MEIS1: variants seen among roughly 807,000 people sequenced by gnomAD.
MEIS1 encodes the protein homeobox protein Meis1.
A neutral mutation model predicts 50.8 loss-of-function variants in MEIS1; 5 were observed. The ratio of observed to expected loss-of-function variants is 0.10; its 90% CI spans 0.05 to 0.21. The LOEUF (loss-of-function observed/expected upper bound fraction) is 0.21. Among genes scored for constraint, MEIS1 ranks in the 10% least tolerant of loss-of-function variants. MEIS1 has a pLI of 1.00. For synonymous variants in MEIS1, 176 were observed against 179.3 expected, an observed-to-expected ratio of 0.98 and a Z score of 0.15; for missense variants, 318 against 517.3, an observed-to-expected ratio of 0.61 and a Z score of 3.74.
At chr2:66,549,502 A>T (rs1289985606) in intron 9 of MEIS1, among the ~76,000 whole-genome samples, 1 of 152,090 alleles carries the variant, frequency 6.6e-6, no homozygotes, top group African/African-American at 2.4e-5. Flanking sequence ...TTCATATTTG[A>T]AATATGAAAT....
chr2:66,437,024 T>C (rs1161150626), intron 1 of MEIS1: 27 of 869,452 alleles, frequency 3.1e-5, no homozygotes, highest in Non-Finnish European at 3.7e-5. Flanking sequence ...TATTAGCTGC[T>C]TCAACTATAG....
At chr2:66,554,125 T>C (rs1572899992) in intron 9 of MEIS1, among the ~76,000 whole-genome samples, 1 of 152,190 alleles carries the variant, frequency 6.6e-6, no homozygotes, top group East Asian at 1.9e-4. Flanking sequence ...CCCTGTAGGG[T>C]TGGGGTTCAA....
At chr2:66,568,966 GT>G (rs570484439) in intron 11 of MEIS1, 83 bp from the exon 12 acceptor site, 956 of 1,140,248 alleles carry the variant, frequency 8.4e-4, no homozygotes, top group South Asian at 1.3e-3. Flanking sequence ...TCTAGATCCT[GT>G]TTTTTTTTTA....
chr2:66,477,302 G>A (rs1047825650), intron 7 of MEIS1, among the ~76,000 whole-genome samples: 6 of 152,178 alleles, frequency 3.9e-5, no homozygotes, highest in Non-Finnish European at 5.9e-5. Flanking sequence ...AACAGTGGAC[G>A]CAGAGGGTAG....
Position 66,435,345 on chromosome 2 carries a change from T to G in MEIS1, c.-512T>G. ...AGAGAAGAGAGAAACTGATTAGGAA[T>G]TAGGACTGATTCAAGGGAAGCGAGC... On this transcript the variant is annotated 5_prime_UTR_variant, in exon 1 of 13. Transcript: ENST00000272369. 1 of 172,074 alleles carries G rather than the reference T, an allele frequency of 5.8e-6. No individual in the cohort carries two copies. Among genetic ancestry groups the G allele is most frequent in the Non-Finnish European group, 1.2e-5 (1 of 81,746 alleles). The allele number at this position is 172,074 out of a possible 1,614,324, so 10.7% of individuals were successfully genotyped here.
At chr2:66,552,809 A>G (rs866279407) in intron 9 of MEIS1, among the ~76,000 whole-genome samples, 2 of 152,240 alleles carry the variant, frequency 1.3e-5, no homozygotes, top group African/African-American at 4.8e-5. Context: ...CAAAGATTCT[A>G]TAAATATAGG....
chr2:66,439,485 T>C, intron 2 of MEIS1: 22 of 1,410,588 alleles, frequency 1.6e-5, no homozygotes, highest in Non-Finnish European at 2.0e-5. Flanking sequence ...CACCGGATCC[T>C]GGATGTGCAG....
intron 7 of MEIS1, among the ~76,000 whole-genome samples, chr2:66,505,738 G>T (rs190790030): frequency 6.6e-6 from 1 of 152,266 alleles, no homozygotes. Context: ...TTAAGTAAAT[G>T]ATTTTAAATT....
intron 7 of MEIS1, among the ~76,000 whole-genome samples, chr2:66,500,613 CAG>C (rs1395587264): frequency 2.0e-5 from 3 of 151,934 alleles, no homozygotes; most frequent in Non-Finnish European, 4.4e-5. Flanking sequence ...TTAGTAGAGG[CAG>C]AGTTTCACCA....
chr2:66,551,964 A>G (rs530798871), intron 9 of MEIS1, among the ~76,000 whole-genome samples: 32 of 152,230 alleles, frequency 2.1e-4, no homozygotes, highest in African/African-American at 7.5e-4. Context: ...AAGTAGAAAC[A>G]TCTTAAATTT....
At chr2:66,541,005 G>A (rs1674637184) in intron 8 of MEIS1, among the ~76,000 whole-genome samples, 1 of 151,716 alleles carries the variant, frequency 6.6e-6, no homozygotes, top group African/African-American at 2.4e-5. Context: ...GTGAGGCAGG[G>A]AGGGCATTTT....
intron 6 of MEIS1, among the ~76,000 whole-genome samples, chr2:66,461,277 G>A (rs542698516): frequency 6.6e-6 from 1 of 152,256 alleles, no homozygotes; most frequent in East Asian, 1.9e-4. Flanking sequence ...TATTGTAACT[G>A]AACTTCTCTG....
At chr2:66,495,082 T>C (rs930153637) in intron 7 of MEIS1, among the ~76,000 whole-genome samples, 536 of 46,300 alleles carry the variant, frequency 0.012, 68 homozygotes, top group Middle Eastern at 0.03. Flanking sequence ...CTTCTGACCT[T>C]TTTTTTTTTT....
chr2:66,520,259 G>C (rs1301505227), intron 8 of MEIS1, among the ~76,000 whole-genome samples: 4 of 151,830 alleles, frequency 2.6e-5, no homozygotes, highest in South Asian at 2.1e-4. Context: ...CGGATCCTGA[G>C]GTCAGGAGAT....
At chr2:66,564,952 A>G (rs1482118552) in intron 9 of MEIS1, among the ~76,000 whole-genome samples, 1 of 151,830 alleles carries the variant, frequency 6.6e-6, no homozygotes, top group African/African-American at 2.4e-5. Context: ...AATATTTTTG[A>G]TCTAGTAAGG....
chr2:66,437,817 G>C lies in MEIS1; in HGVS notation c.93G>C (p.Arg31Ser). The C allele has an allele frequency of 1.2e-6, 2 of 1,613,952 alleles. No individual in the cohort carries two copies. Among genetic ancestry groups the C allele is most frequent in the Admixed American group, 1.7e-5 (1 of 60,018 alleles). ...STMYGDPHAA[R>S]SMQPVHHLNH... ...TGTATGGGGACCCGCATGCAGCCAG[G>C]TCCATGCAGCCGGTCCACCACCTGA... The change falls in exon 2 of 13, where the codon AGG (arginine) becomes AGC (serine). Residue 31 changes from arginine to serine, a missense_variant. By Grantham distance (110) the Arg-to-Ser change is moderately radical. Coordinates refer to ENST00000272369, the MANE Select transcript of MEIS1 (RefSeq NM_002398.3).
At chr2:66,442,216 A>G (rs1298034559) in intron 5 of MEIS1, among the ~76,000 whole-genome samples, 1 of 150,604 alleles carries the variant, frequency 6.6e-6, no homozygotes, top group Non-Finnish European at 1.5e-5. Context: ...TGGGACCTCT[A>G]GGAAACCTCT....
intron 9 of MEIS1, among the ~76,000 whole-genome samples, chr2:66,559,838 C>T (rs1396286986): frequency 6.6e-6 from 1 of 152,066 alleles, no homozygotes; most frequent in Non-Finnish European, 1.5e-5. Flanking sequence ...ATTCTGTTGC[C>T]TAGGCCGGAA....
chr2:66,440,795 C>T, intron 4 of MEIS1, 183 bp downstream of exon 4: 1 of 581,918 alleles, frequency 1.7e-6, no homozygotes, highest in Non-Finnish European at 3.1e-6. Flanking sequence ...GAAATAAATT[C>T]ATCTCGAGAG....
Sources: allele counts gnomAD v4.1 joint callset (sites outside exome capture counted in the v4.1 genomes callset), GRCh38; gene constraint gnomAD v4.1.1; transcripts MANE v1.5; gene names NCBI Gene and HGNC (gene_info 2026-07-23, HGNC 2026-07-21).